The following TRIM2 variants were observed in gnomAD, a reference collection of about 807,000 sequenced individuals.
TRIM2 encodes tripartite motif-containing protein 2.
TRIM2 carries 20 observed loss-of-function variants against 75.2 expected under a neutral mutation model. That is an observed-to-expected ratio of 0.27 (90% CI 0.19 to 0.39). TRIM2 has a LOEUF of 0.39. TRIM2 is among the 10% of genes least tolerant of loss of function. The pLI is 1.00. For missense variants in TRIM2, 660 were observed against 990.8 expected, an observed-to-expected ratio of 0.67 and a Z score of 4.48; for synonymous variants, 373 against 388.3, an observed-to-expected ratio of 0.96 and a Z score of 0.46.
At chr4:153,260,686 A>ACCCC (rs1560902694) in intron 1 of TRIM2, among the ~76,000 whole-genome samples, 1 of 17,432 alleles carries the variant, frequency 5.7e-5, no homozygotes. Context: ...CCACCCACAC[A>ACCCC]CCCACCCCCC....
At chr4:153,272,147 T>C (rs1416088759) in intron 2 of TRIM2, among the ~76,000 whole-genome samples, 5 of 151,716 alleles carry the variant, frequency 3.3e-5, no homozygotes, top group Non-Finnish European at 7.4e-5. Context: ...CTCTTCTTTT[T>C]TTATTTTATT....
intron 1 of TRIM2, among the ~76,000 whole-genome samples, chr4:153,165,552 C>T (rs1484426520): frequency 6.6e-6 from 1 of 152,242 alleles, no homozygotes; most frequent in Admixed American, 6.5e-5. Flanking sequence ...AGGCTGGTCT[C>T]GAACTCCCGG....
chr4:153,210,828 C>T (rs1736780032), intron 1 of TRIM2, among the ~76,000 whole-genome samples: 1 of 152,134 alleles, frequency 6.6e-6, no homozygotes, highest in African/African-American at 2.4e-5. Context: ...AATGAAAAGA[C>T]CCCATAAGGC....
rs1292061376 is a variant in TRIM2, at chr4:153,216,179, C to T, written c.30+11619C>T. Among the ~76,000 whole-genome samples the T allele has an allele frequency of 3.3e-5, 5 of 152,116 alleles. No homozygotes were observed. In the East Asian group the frequency reaches 9.6e-4, roughly 29 times the overall value. ...AGCAGTGTATGGTTCTGTAATGTGA[C>T]CTGGAGCCTCTATTGAGTAAGCATC... On this transcript the variant is annotated intron_variant, in intron 1 of 11. Coordinates refer to ENST00000338700, the MANE Select transcript of TRIM2 (RefSeq NM_015271.5).
At chr4:153,285,880 G>T (rs927274680) in intron 3 of TRIM2, among the ~76,000 whole-genome samples, 8 of 151,872 alleles carry the variant, frequency 5.3e-5, no homozygotes, top group African/African-American at 1.9e-4. Context: ...TCTTTTTCTT[G>T]CCTAAATGCC....
chr4:153,237,924 G>A (rs1458545637), intron 1 of TRIM2, among the ~76,000 whole-genome samples: 3 of 151,872 alleles, frequency 2.0e-5, no homozygotes, highest in South Asian at 2.1e-4. Context: ...TTACACCTTC[G>A]CTAGTCATTT....
chr4:153,314,419 C>CAAA (rs58410286), intron 6 of TRIM2, among the ~76,000 whole-genome samples: 36 of 58,888 alleles, frequency 6.1e-4, no homozygotes, highest in East Asian at 2.2e-3. Context: ...GACTCCGTCT[C>CAAA]AAAAAAAAAA....
intron 2 of TRIM2, among the ~76,000 whole-genome samples, chr4:153,272,073 G>A (rs775912227): frequency 9.9e-5 from 15 of 152,200 alleles, no homozygotes; most frequent in Non-Finnish European, 1.8e-4. Context: ...TTCTGCTACA[G>A]CAAGTCCTTA....
intron 11 of TRIM2, among the ~76,000 whole-genome samples, chr4:153,330,192 T>C (rs935547203): frequency 6.6e-6 from 1 of 152,144 alleles, no homozygotes; most frequent in Non-Finnish European, 1.5e-5. Flanking sequence ...CAAAAAGAAA[T>C]GTCTAGATGG....
At position 153,338,120 on chromosome 4, in the gene TRIM2, A is replaced by G; in HGVS notation, c.*3154A>G. ...ATAAATACTCCAGATCCATGCAGCT[A>G]GAACACACTTGCTTCCACTACTAAA... is the stretch of plus-strand genomic sequence containing the variant. On this transcript the variant is annotated 3_prime_UTR_variant, in exon 12 of 12. Coordinates refer to ENST00000338700, the MANE Select transcript of TRIM2 (RefSeq NM_015271.5). 5 of 985,872 alleles carry G rather than the reference A, an allele frequency of 5.1e-6. No homozygotes were observed. The highest frequency in any genetic ancestry group is 4.8e-6 in the Non-Finnish European group (4 of 829,936). 61.1% of individuals were successfully genotyped at this position (985,872 alleles called of 1,614,324 possible).
chr4:153,167,531 T>C (rs981284181), intron 1 of TRIM2, among the ~76,000 whole-genome samples: 1 of 152,136 alleles, frequency 6.6e-6, no homozygotes, highest in Non-Finnish European at 1.5e-5. Flanking sequence ...AGAAACAATG[T>C]TTATTTTGAA....
chr4:153,176,851 T>G (rs1271552903), intron 1 of TRIM2, among the ~76,000 whole-genome samples: 2 of 152,190 alleles, frequency 1.3e-5, no homozygotes, highest in African/African-American at 2.4e-5. Flanking sequence ...CCTCAGGAGA[T>G]CCACCCGCCT....
At chr4:153,222,220 T>A (rs1419298212) in intron 1 of TRIM2, 3 of 147,820 alleles carry the variant, frequency 2.0e-5, no homozygotes, top group Non-Finnish European at 4.4e-5. Context: ...ACGCAGAGAT[T>A]TTTTTTCTTC....
chr4:153,248,510 G>A lies in TRIM2; in HGVS notation c.31-21825G>A, dbSNP rs1749917803. ...TCCTCTTCTCCACTACCGCACCTGA[G>A]ACTTACTGTGTGTTAGGCATGGGGC... On this transcript the variant is annotated intron_variant, in intron 1 of 11. Coordinates refer to ENST00000338700, the MANE Select transcript of TRIM2 (RefSeq NM_015271.5). The surrounding 1 kb of genome is among the most constrained non-coding windows in gnomAD (Gnocchi z 4.0). 6.6e-6 allele frequency among the ~76,000 whole-genome samples: 1 copy of A among 152,170 alleles called. No homozygotes were observed.
intron 1 of TRIM2, among the ~76,000 whole-genome samples, chr4:153,211,426 G>C: frequency 6.6e-6 from 1 of 152,014 alleles, no homozygotes; most frequent in East Asian, 1.9e-4. Context: ...CATGGGAGCA[G>C]ATCTTAGTTC....
intron 1 of TRIM2, 99 bp downstream of exon 1, chr4:153,204,659 T>C (rs1347799357): frequency 6.8e-7 from 1 of 1,466,288 alleles, no homozygotes; most frequent in Non-Finnish European, 9.3e-7. Flanking sequence ...TACTTTTTCC[T>C]GGTTTTAATT....
chr4:153,268,622 T>C (rs988891034), intron 1 of TRIM2, among the ~76,000 whole-genome samples: 1 of 152,384 alleles, frequency 6.6e-6, no homozygotes, highest in African/African-American at 2.4e-5. Flanking sequence ...ACCAAATATT[T>C]AGAAAATGAA....
chr4:153,152,588 A>T (rs1728829547), upstream of TRIM2: 1 of 151,952 alleles, frequency 6.6e-6, no homozygotes, highest in Admixed American at 6.6e-5. Flanking sequence ...ATCGACGAGG[A>T]ACTGCCAAGG....
Position 153,223,704 on chromosome 4 carries a change from G to A in TRIM2, c.30+19144G>A, listed in dbSNP as rs2149773455. On this transcript the variant is annotated intron_variant, in intron 1 of 11. Transcript: ENST00000338700. ...AAAGCATTCTGTGAACCCCAAATTC[G>A]TTCCGACCTGTAATCCAACCCCATG... 2.0e-5 allele frequency among the ~76,000 whole-genome samples: 3 copies of A among 152,250 alleles called. No individual in the cohort carries two copies. In the South Asian group the frequency reaches 6.2e-4, roughly 32 times the overall value.
Sources: gnomAD v4.1 joint callset for allele counts (sites outside exome capture counted in the v4.1 genomes callset) on GRCh38, gnomAD v4.1.1 for gene constraint, Gnocchi (gnomAD v3.1) non-coding constraint, MANE v1.5 for transcripts, NCBI Gene and HGNC (gene_info 2026-07-23, HGNC 2026-07-21) for gene names.